Variants in NRG3 observed in about 807,000 individuals in gnomAD.
NRG3 encodes pro-neuregulin-3, membrane-bound isoform.
NRG3 carries 31 observed loss-of-function variants against 66.9 expected under a neutral mutation model. The ratio of observed to expected loss-of-function variants is 0.46; its 90% CI spans 0.35 to 0.63. The LOEUF is 0.63. Among genes scored for constraint, NRG3 ranks in the 20% least tolerant of loss-of-function variants. The probability of loss-of-function intolerance (pLI) is 0.00; values close to 1 mark genes in which losing one functional copy is unlikely to be tolerated. For synonymous variants in NRG3, 393 were observed against 359.4 expected (o/e 1.09, Z -1.06); for missense variants, 910 against 878.9 (o/e 1.04, Z -0.45).
intron 1 of NRG3, among the ~76,000 whole-genome samples, chr10:82,151,121 C>T (rs751560972): frequency 6.6e-6 from 1 of 152,208 alleles, no homozygotes; most frequent in Non-Finnish European, 1.5e-5. Context: ...AGCAAAGGGG[C>T]GAAGCCAGAG....
intron 2 of NRG3, among the ~76,000 whole-genome samples, chr10:82,664,538 C>A (rs1421190614): frequency 2.0e-5 from 3 of 152,128 alleles, no homozygotes; most frequent in Non-Finnish European, 4.4e-5. Flanking sequence ...CCACTAGGCA[C>A]AAGCTATTTA....
At chr10:82,064,695 A>G (rs1426036415) in intron 1 of NRG3, among the ~76,000 whole-genome samples, 1 of 152,188 alleles carries the variant, frequency 6.6e-6, no homozygotes, top group Non-Finnish European at 1.5e-5. Context: ...AGAATGCCCC[A>G]AAAGTTCCTG....
At chr10:82,192,087 C>T (rs540845143) in intron 1 of NRG3, among the ~76,000 whole-genome samples, 3 of 152,234 alleles carry the variant, frequency 2.0e-5, no homozygotes, top group African/African-American at 7.2e-5. Flanking sequence ...TTCCGTACTT[C>T]CTAAGGAAAT....
intron 3 of NRG3, among the ~76,000 whole-genome samples, chr10:82,745,543 T>G (rs1480861521): frequency 6.6e-6 from 1 of 152,198 alleles, no homozygotes; most frequent in Non-Finnish European, 1.5e-5. Flanking sequence ...TCACTCTTAT[T>G]ACCGTTTTTC....
Position 82,973,874 on chromosome 10 carries a change from C to G in NRG3, c.1371C>G (p.Val457=). The part of the protein sequence containing the change: ...SFVGPQSFPE[V]PSPDRGSQSV... Reference sequence around the variant, plus strand: ...TCGGCCCCCAGTCATTCCCTGAGGTCCCTTCTCCTGACAGAGGAAGCCAGT... The same window carrying G: ...TCGGCCCCCAGTCATTCCCTGAGGTGCCTTCTCCTGACAGAGGAAGCCAGT... The change falls in exon 7 of 9, where the codon GTC becomes GTG. Residue 457 remains valine, a synonymous_variant. Coordinates refer to ENST00000372141, the MANE Select transcript of NRG3 (RefSeq NM_001010848.4). The G allele has an allele frequency of 6.2e-7, 1 of 1,614,066 alleles. No individual in the cohort carries two copies. The highest frequency in any genetic ancestry group is 1.1e-5 in the South Asian group (1 of 91,088).
At chr10:82,213,462 C>T (rs761814944) in intron 1 of NRG3, among the ~76,000 whole-genome samples, 23 of 152,148 alleles carry the variant, frequency 1.5e-4, no homozygotes, top group Non-Finnish European at 2.9e-4. Flanking sequence ...AAAGTGAATT[C>T]TGTGTTTAGA....
chr10:82,392,004 AAAAAAAC>A (rs1329639606), intron 2 of NRG3, among the ~76,000 whole-genome samples: 3 of 148,836 alleles, frequency 2.0e-5, no homozygotes, highest in African/African-American at 7.6e-5. Context: ...AAAAAAAAAA[AAAAAAAC>A]AAAAAAAAAA....
chr10:82,060,543 A>C (rs918582373), intron 1 of NRG3, among the ~76,000 whole-genome samples: 1 of 152,194 alleles, frequency 6.6e-6, no homozygotes, highest in African/African-American at 2.4e-5. Context: ...GTTGTAAATA[A>C]TGATTTCAAG....
intron 1 of NRG3, among the ~76,000 whole-genome samples, chr10:81,976,386 T>G (rs2060125310): frequency 6.6e-6 from 1 of 152,150 alleles, no homozygotes; most frequent in Non-Finnish European, 1.5e-5. Flanking sequence ...CCTTCTTCAT[T>G]CATCTAACAT....
chr10:82,614,398 CTT>C (rs1253308166), intron 2 of NRG3, among the ~76,000 whole-genome samples: 3 of 152,158 alleles, frequency 2.0e-5, no homozygotes, highest in Non-Finnish European at 4.4e-5. Context: ...AATACTAGAG[CTT>C]TATGCCGCTA....
intron 1 of NRG3, among the ~76,000 whole-genome samples, chr10:82,339,508 G>T (rs897186168): frequency 1.3e-5 from 2 of 152,116 alleles, no homozygotes; most frequent in Non-Finnish European, 1.5e-5. Flanking sequence ...CAGCATGGGG[G>T]AGGCTGCCTC....
At chr10:82,736,361 T>C (rs989949862) in intron 2 of NRG3, among the ~76,000 whole-genome samples, 1 of 151,866 alleles carries the variant, frequency 6.6e-6, no homozygotes, top group Non-Finnish European at 1.5e-5. Flanking sequence ...TGGATGAGTG[T>C]GAACTTATCA....
chr10:82,920,221 G>T (rs889474125), intron 4 of NRG3, among the ~76,000 whole-genome samples: 1 of 151,210 alleles, frequency 6.6e-6, no homozygotes, highest in Non-Finnish European at 1.5e-5. Context: ...AGTTGATAAA[G>T]TACTTATTTT....
intron 5 of NRG3, among the ~76,000 whole-genome samples, chr10:82,954,423 G>A (rs1441150758): frequency 1.3e-5 from 2 of 151,824 alleles, no homozygotes; most frequent in African/African-American, 4.9e-5. Context: ...GAGTCAAAGT[G>A]TTTAATGAAA....
chr10:82,433,516 A>AT (rs1287504643), intron 2 of NRG3, among the ~76,000 whole-genome samples: 4 of 149,636 alleles, frequency 2.7e-5, no homozygotes, highest in African/African-American at 9.7e-5. Context: ...TGCTTTTGGC[A>AT]TTTTTGTCAT....
intron 1 of NRG3, among the ~76,000 whole-genome samples, chr10:82,076,262 T>TA (rs1335595895): frequency 6.6e-6 from 1 of 152,214 alleles, no homozygotes; most frequent in East Asian, 1.9e-4. Context: ...GTGTCCCGCG[T>TA]AACTGTAGTT....
At chr10:82,147,120 G>A (rs1220544655) in intron 1 of NRG3, among the ~76,000 whole-genome samples, 1 of 152,150 alleles carries the variant, frequency 6.6e-6, no homozygotes, top group Admixed American at 6.5e-5. Flanking sequence ...TTTCCATTGG[G>A]TCAAATTGGA....
At chr10:82,567,665 C>G (rs1047902747) in intron 2 of NRG3, among the ~76,000 whole-genome samples, 3 of 151,910 alleles carry the variant, frequency 2.0e-5, no homozygotes, top group Non-Finnish European at 2.9e-5. Flanking sequence ...ATTTCTGTCT[C>G]TATAAATGAT....
chr10:81,926,348 T>C (rs1196591445), intron 1 of NRG3, among the ~76,000 whole-genome samples: 1 of 152,040 alleles, frequency 6.6e-6, no homozygotes, highest in Non-Finnish European at 1.5e-5. Flanking sequence ...CTTGAACTCC[T>C]GACGTCAAGT....
Sources: allele counts gnomAD v4.1 joint callset (sites outside exome capture counted in the v4.1 genomes callset), GRCh38; gene constraint gnomAD v4.1.1; transcripts MANE v1.5; gene names NCBI Gene and HGNC (gene_info 2026-07-23, HGNC 2026-07-21).